Variants in EYS observed in about 807,000 individuals in gnomAD.
The protein encoded by EYS is EGF-like photoreceptor maintenance factor, also known as protein eyes shut homolog.
A neutral mutation model predicts 282.1 loss-of-function variants in EYS; 250 were observed. The observed-to-expected ratio is 0.89, with a 90% CI of 0.80 to 0.98. The LOEUF is 0.98. EYS is among the 50% of genes least tolerant of loss of function. EYS has a pLI of 0.00. For synonymous variants in EYS, 1,355 were observed against 1,282.9 expected (o/e 1.06, Z -1.20); for missense variants, 4,016 against 3,709.0 (o/e 1.08, Z -2.15).
intron 15 of EYS, among the ~76,000 whole-genome samples, chr6:64,926,056 T>C (rs977245207): frequency 2.8e-4 from 43 of 151,778 alleles, no homozygotes; most frequent in Non-Finnish European, 4.4e-5. Context: ...CTAGGAGGGC[T>C]CCCTCCTATA....
chr6:64,127,885 C>T lies in EYS; in HGVS notation c.6425-45883G>A, dbSNP rs144837210. Among the ~76,000 whole-genome samples, 415 of 152,100 alleles carry T rather than the reference C, an allele frequency of 2.7e-3. 1 individual carries two copies. The highest frequency in any genetic ancestry group is 9.4e-3 in the African/African-American group (389 of 41,494). On this transcript the variant is annotated intron_variant, in intron 31 of 42. Coordinates refer to ENST00000503581, the MANE Select transcript of EYS (RefSeq NM_001142800.2). Reference sequence around the variant, plus strand: ...TGGGAAAATAATTAGAAAGTTTAAACGCAGCAAAGAATTGTATCTCAAAAA... The same window carrying T: ...TGGGAAAATAATTAGAAAGTTTAAATGCAGCAAAGAATTGTATCTCAAAAA...
chr6:64,528,021 A>T (rs1194925737), intron 26 of EYS, among the ~76,000 whole-genome samples: 1 of 151,906 alleles, frequency 6.6e-6, no homozygotes, highest in East Asian at 1.9e-4. Context: ...GGATGTAAGT[A>T]TACATAGACT....
chr6:65,491,002 A>C (rs73743911), intron 4 of EYS, among the ~76,000 whole-genome samples: 3,529 of 152,168 alleles, frequency 0.023, 97 homozygotes, highest in African/African-American at 0.061. Context: ...TTTTCATGAT[A>C]GATAATATTC....
intron 41 of EYS, among the ~76,000 whole-genome samples, chr6:63,756,122 C>A (rs762608667): frequency 1.3e-5 from 2 of 152,166 alleles, no homozygotes; most frequent in Non-Finnish European, 2.9e-5. Flanking sequence ...ACCTTTATTT[C>A]TTTCTCTTGC....
At position 65,653,778 on chromosome 6, in the gene EYS, A is replaced by T. The variant is rs141926545; in HGVS notation, c.-447-13886T>A. Among the ~76,000 whole-genome samples the T allele has an allele frequency of 5.5e-3, 832 of 151,996 alleles. 1 individual carries two copies. Among genetic ancestry groups the T allele is most frequent in the Middle Eastern group, 0.031 (9 of 294 alleles). ...ACTTTAGAGAACCCTATTTCCTCTT[A>T]TAAGAGCTTTTTAGGAAATAACCAG... On this transcript the variant is annotated intron_variant, in intron 1 of 42. Transcript: ENST00000503581.
intron 22 of EYS, among the ~76,000 whole-genome samples, chr6:64,727,199 A>C (rs1771785339): frequency 6.6e-6 from 1 of 152,224 alleles, no homozygotes; most frequent in African/African-American, 2.4e-5. Context: ...AGCCACTCAT[A>C]AGACTGAGGA....
At chr6:64,828,266 A>G (rs4637620) in intron 19 of EYS, among the ~76,000 whole-genome samples, 2,600 of 152,052 alleles carry the variant, frequency 0.017, 73 homozygotes, top group African/African-American at 0.059. Flanking sequence ...ATATAGAATA[A>G]TATCAAAGTT....
At chr6:64,325,234 G>A (rs1329299964) in intron 29 of EYS, among the ~76,000 whole-genome samples, 3 of 152,192 alleles carry the variant, frequency 2.0e-5, no homozygotes, top group Non-Finnish European at 4.4e-5. Context: ...GACCACAGAT[G>A]GTTAATATCA....
intron 2 of EYS, among the ~76,000 whole-genome samples, chr6:65,546,438 TTTTA>T (rs1202105476): frequency 6.6e-6 from 1 of 152,142 alleles, no homozygotes; most frequent in Non-Finnish European, 1.5e-5. Context: ...ATGTCATTCA[TTTTA>T]TTTAACTCAC....
At chr6:65,519,894 T>A (rs34303504) in intron 2 of EYS, among the ~76,000 whole-genome samples, 29,183 of 146,264 alleles carry the variant, frequency 0.2, 3,890 homozygotes, top group African/African-American at 0.38. Flanking sequence ...TTTTTCTATT[T>A]TTTTTTTTTT....
At chr6:65,179,174 C>T (rs1460753754) in intron 12 of EYS, among the ~76,000 whole-genome samples, 1 of 151,534 alleles carries the variant, frequency 6.6e-6, no homozygotes, top group African/African-American at 2.4e-5. Context: ...GAGCAAACAC[C>T]TTCAAAAGCT....
chr6:64,543,417 A>G (rs950225254), intron 26 of EYS, among the ~76,000 whole-genome samples: 3 of 152,108 alleles, frequency 2.0e-5, no homozygotes, highest in African/African-American at 7.2e-5. Context: ...CTTGATTTAT[A>G]ATGATTTTAT....
At chr6:65,613,304 G>C (rs1766066613) in intron 2 of EYS, among the ~76,000 whole-genome samples, 1 of 151,790 alleles carries the variant, frequency 6.6e-6, no homozygotes, top group African/African-American at 2.4e-5. Context: ...TAATACGGTG[G>C]TGACTTCTCC....
chr6:65,317,821 CCTTCCTTTCTTTCTTTCTTT>C (rs1156570937), intron 11 of EYS, among the ~76,000 whole-genome samples: 28 of 51,540 alleles, frequency 5.4e-4, no homozygotes, highest in Middle Eastern at 7.8e-3. Context: ...TTCCTTCCTT[CCTTCCTTTCTTTCTTTCTTT>C]CTTTCTTTCT....
chr6:65,441,283 T>A (rs1008330409), intron 5 of EYS, among the ~76,000 whole-genome samples: 4 of 151,868 alleles, frequency 2.6e-5, no homozygotes, highest in Non-Finnish European at 5.9e-5. Flanking sequence ...TTGTATCATC[T>A]CAATATTTAT....
chr6:63,956,251 G>A (rs1043522833), intron 35 of EYS, among the ~76,000 whole-genome samples: 1 of 152,150 alleles, frequency 6.6e-6, no homozygotes, highest in Non-Finnish European at 1.5e-5. Context: ...CCTGGTTCCT[G>A]CCTTAACTGG....
At chr6:64,848,069 G>A (rs755966463) in intron 19 of EYS, among the ~76,000 whole-genome samples, 3 of 151,916 alleles carry the variant, frequency 2.0e-5, no homozygotes, top group East Asian at 1.9e-4. Context: ...ACATTGGGTC[G>A]AATTATTTAT....
chr6:65,202,864 T>C (rs916786473), intron 12 of EYS, among the ~76,000 whole-genome samples: 3 of 152,162 alleles, frequency 2.0e-5, no homozygotes, highest in Admixed American at 2.0e-4. Flanking sequence ...GAGCCAGCTC[T>C]GTGGTGCAGG....
At chr6:63,892,385 T>C (rs1234741348) in intron 35 of EYS, among the ~76,000 whole-genome samples, 1 of 152,018 alleles carries the variant, frequency 6.6e-6, no homozygotes, top group Admixed American at 6.6e-5. Context: ...AACACATACA[T>C]AGACCAATGG....
Sources: gnomAD v4.1 joint callset for allele counts (sites outside exome capture counted in the v4.1 genomes callset) on GRCh38, gnomAD v4.1.1 for gene constraint, MANE v1.5 for transcripts, NCBI Gene and HGNC (gene_info 2026-07-23, HGNC 2026-07-21) for gene names.